SGCD: variants seen among roughly 807,000 people sequenced by gnomAD.
SGCD encodes the protein sarcoglycan delta.
Under a neutral mutation model 36.6 loss-of-function variants are expected in SGCD, and 18 were observed. The observed-to-expected ratio is 0.49, with a 90% CI of 0.34 to 0.73. SGCD has a LOEUF of 0.73. Ranked by LOEUF, SGCD falls within the 30% of genes least tolerant of loss-of-function variation. The pLI, the probability that SGCD is intolerant of heterozygous loss-of-function variation, is 0.01. For missense variants in SGCD, 387 were observed against 346.7 expected (o/e 1.12, Z -0.92); for synonymous variants, 133 against 130.6 (o/e 1.02, Z -0.12).
At chr5:156,093,962 C>T (rs1016614234) in intron 1 of SGCD, among the ~76,000 whole-genome samples, 1 of 152,166 alleles carries the variant, frequency 6.6e-6, no homozygotes. Context: ...CTAAGCCACC[C>T]ACGGATATTT....
chr5:156,117,704 C>T (rs1761939220), intron 1 of SGCD, among the ~76,000 whole-genome samples: 1 of 152,202 alleles, frequency 6.6e-6, no homozygotes, highest in East Asian at 1.9e-4. Context: ...AAATAACATG[C>T]CCAAGGACAC....
At chr5:156,193,228 C>T (rs1046649251) in intron 3 of SGCD, among the ~76,000 whole-genome samples, 3 of 152,078 alleles carry the variant, frequency 2.0e-5, no homozygotes, top group Non-Finnish European at 2.9e-5. Context: ...GATTCTTTAT[C>T]TAAGACTTTC....
At chr5:156,459,930 C>T (rs1371607459) in intron 3 of SGCD, among the ~76,000 whole-genome samples, 2 of 152,124 alleles carry the variant, frequency 1.3e-5, no homozygotes, top group African/African-American at 4.8e-5. Flanking sequence ...CTTTAGATAA[C>T]CCCTCCTCCT....
chr5:156,368,856 A>G (rs576556731), intron 3 of SGCD, among the ~76,000 whole-genome samples: 1 of 152,356 alleles, frequency 6.6e-6, no homozygotes, highest in East Asian at 1.9e-4. Flanking sequence ...CTGATTCTAC[A>G]TTATGCTGAA....
At chr5:155,988,255 C>T (rs190514582) in intron 1 of SGCD, among the ~76,000 whole-genome samples, 6 of 152,180 alleles carry the variant, frequency 3.9e-5, no homozygotes, top group Admixed American at 6.5e-5. Flanking sequence ...ACATCACAAG[C>T]GCTTTTAAAG....
At chr5:156,044,377 C>T (rs1247305993) in intron 1 of SGCD, among the ~76,000 whole-genome samples, 1 of 152,086 alleles carries the variant, frequency 6.6e-6, no homozygotes, top group Admixed American at 6.6e-5. Context: ...GTATTATTCT[C>T]TTTAATACTT....
chr5:156,005,148 T>A (rs1275040092), intron 1 of SGCD, among the ~76,000 whole-genome samples: 2 of 152,104 alleles, frequency 1.3e-5, no homozygotes, highest in Non-Finnish European at 2.9e-5. Flanking sequence ...GGAAATTAAC[T>A]CTAGAGTTAC....
intron 1 of SGCD, among the ~76,000 whole-genome samples, chr5:155,968,093 TA>T (rs917829092): frequency 2.6e-5 from 4 of 152,140 alleles, no homozygotes; most frequent in African/African-American, 9.7e-5. Context: ...GGTCATTTTT[TA>T]TAGGAAATAG....
At chr5:156,071,245 C>T (rs895595830) in intron 1 of SGCD, among the ~76,000 whole-genome samples, 1 of 152,146 alleles carries the variant, frequency 6.6e-6, no homozygotes, top group Non-Finnish European at 1.5e-5. Context: ...TTGGATCTTT[C>T]CTGCTTTCTC....
chr5:156,020,000 G>A (rs765865819), intron 1 of SGCD, among the ~76,000 whole-genome samples: 4 of 152,084 alleles, frequency 2.6e-5, no homozygotes, highest in Non-Finnish European at 5.9e-5. Flanking sequence ...ATGTCCACAC[G>A]TTATTCTGCC....
chr5:156,091,420 G>A (rs532701895), intron 1 of SGCD, among the ~76,000 whole-genome samples: 75 of 152,320 alleles, frequency 4.9e-4, no homozygotes, highest in Non-Finnish European at 9.0e-4. Flanking sequence ...GCCCTGGTTA[G>A]GCCAGGTAGC....
chr5:156,733,819 ATGTT>A (rs1157585135), intron 7 of SGCD, among the ~76,000 whole-genome samples: 1 of 151,962 alleles, frequency 6.6e-6, no homozygotes, highest in South Asian at 2.1e-4. Context: ...CTGCTTTTTA[ATGTT>A]TTCCATTTCC....
chr5:156,231,789 T>C (rs1438517503), intron 3 of SGCD, among the ~76,000 whole-genome samples: 2 of 152,176 alleles, frequency 1.3e-5, no homozygotes, highest in Non-Finnish European at 2.9e-5. Context: ...GGAGTAGGAC[T>C]CATGTATAAC....
intron 3 of SGCD, among the ~76,000 whole-genome samples, chr5:156,272,108 C>G (rs978913847): frequency 6.6e-6 from 1 of 151,712 alleles, no homozygotes; most frequent in African/African-American, 2.4e-5. Context: ...GTTAGTGCAC[C>G]CATCACTCAA....
intron 3 of SGCD, among the ~76,000 whole-genome samples, chr5:156,216,860 C>T (rs555088590): frequency 1.3e-5 from 2 of 152,294 alleles, no homozygotes; most frequent in South Asian, 2.1e-4. Context: ...GGGCAGATCA[C>T]CTGAGGTGAG....
At chr5:156,375,570 A>G (rs1000067495) in intron 3 of SGCD, among the ~76,000 whole-genome samples, 1 of 152,146 alleles carries the variant, frequency 6.6e-6, no homozygotes, top group Admixed American at 6.5e-5. Flanking sequence ...ATCATTTCCA[A>G]AGTGTGCCCC....
chr5:156,452,957 C>A (rs180727673), intron 3 of SGCD, among the ~76,000 whole-genome samples: 1 of 152,186 alleles, frequency 6.6e-6, no homozygotes, highest in East Asian at 1.9e-4. Flanking sequence ...TATGACCCAG[C>A]CGAATCTTAA....
chr5:156,639,404 A>ATATTATGTATG (rs1762946298), intron 6 of SGCD, among the ~76,000 whole-genome samples: 1 of 152,202 alleles, frequency 6.6e-6, no homozygotes, highest in Non-Finnish European at 1.5e-5. Flanking sequence ...CCAAACATCC[A>ATATTATGTATG]CATTATGTAT....
the SGCD span, among the ~76,000 whole-genome samples, chr5:155,805,596 T>A: frequency 6.6e-6 from 1 of 152,168 alleles, no homozygotes. Flanking sequence ...CTGCCTCCAT[T>A]TGTGAAAACC....
Sources: allele counts gnomAD v4.1 joint callset (sites outside exome capture counted in the v4.1 genomes callset), GRCh38; gene constraint gnomAD v4.1.1; transcripts MANE v1.5; gene names NCBI Gene and HGNC (gene_info 2026-07-23, HGNC 2026-07-21).